Variants in STEAP1B observed in about 807,000 individuals in gnomAD.
STEAP1B encodes the protein STEAP family protein MGC87042.
In STEAP1B, 13 loss-of-function variants were observed where a neutral mutation model predicts 27.9. The observed-to-expected ratio is 0.47, with a 90% confidence interval of 0.30 to 0.74. STEAP1B has a LOEUF of 0.74. Among genes scored for constraint, STEAP1B ranks in the 30% least tolerant of loss-of-function variants. STEAP1B has a pLI of 0.06. For missense variants in STEAP1B, 250 were observed against 298.7 expected, an observed-to-expected ratio of 0.84 and a Z score of 1.20; for synonymous variants, 86 against 107.1, an observed-to-expected ratio of 0.80 and a Z score of 1.22.
intron 4 of STEAP1B, among the ~76,000 whole-genome samples, chr7:22,457,826 CATG>C (rs890760200): frequency 6.6e-6 from 1 of 152,208 alleles, no homozygotes; most frequent in Non-Finnish European, 1.5e-5. Flanking sequence ...CACCTGCCCA[CATG>C]ATGACATGGT....
At chr7:22,427,845 G>C (rs192636000) in intron 4 of STEAP1B, among the ~76,000 whole-genome samples, 1 of 152,344 alleles carries the variant, frequency 6.6e-6, no homozygotes, top group Admixed American at 6.5e-5. Context: ...AATGAGGAAA[G>C]GTACGAGTAG....
chr7:22,457,137 A>T (rs75378332), intron 4 of STEAP1B, among the ~76,000 whole-genome samples: 3,700 of 151,292 alleles, frequency 0.024, 67 homozygotes, highest in Non-Finnish European at 0.038. Context: ...AATCCAGAGG[A>T]TCCACCAATT....
At chr7:22,496,844 C>T (rs12534342) in intron 1 of STEAP1B, among the ~76,000 whole-genome samples, 13,105 of 152,240 alleles carry the variant, frequency 0.086, 647 homozygotes, top group African/African-American at 0.097. Context: ...AAACATTCTC[C>T]AAGTTTTAAA....
At chr7:22,424,895 G>GA (rs34020475) in intron 4 of STEAP1B, among the ~76,000 whole-genome samples, 100,721 of 146,590 alleles carry the variant, frequency 0.69, 34,867 homozygotes, top group Middle Eastern at 0.74. Context: ...ATTGTTAAGT[G>GA]AAAAAAAAAA....
At chr7:22,459,941 G>A (rs1170042652) in intron 4 of STEAP1B, among the ~76,000 whole-genome samples, 3 of 152,062 alleles carry the variant, frequency 2.0e-5, no homozygotes, top group African/African-American at 2.4e-5. Flanking sequence ...GCGTAATTTG[G>A]TTCAGGTTGG....
intron 4 of STEAP1B, among the ~76,000 whole-genome samples, chr7:22,455,802 G>T (rs1785568719): frequency 2.0e-5 from 3 of 152,136 alleles, no homozygotes; most frequent in African/African-American, 7.2e-5. Flanking sequence ...TAATCTTTTG[G>T]AATTCATCTG....
intron 4 of STEAP1B, among the ~76,000 whole-genome samples, chr7:22,424,371 C>A (rs955983322): frequency 2.6e-5 from 4 of 152,136 alleles, no homozygotes; most frequent in Non-Finnish European, 4.4e-5. Flanking sequence ...ACTAGCTCAC[C>A]ACCCCTTTGA....
At chr7:22,428,087 G>A (rs1583627318) in intron 4 of STEAP1B, among the ~76,000 whole-genome samples, 1 of 152,148 alleles carries the variant, frequency 6.6e-6, no homozygotes, top group East Asian at 1.9e-4. Context: ...TTAAACTCAT[G>A]CACTGGCCAG....
At chr7:22,492,349 G>GAAAAAAAAAAAAAAAAAAA (rs1371957621) in intron 4 of STEAP1B, 21 of 185,130 alleles carry the variant, frequency 1.1e-4, no homozygotes, top group African/African-American at 5.8e-4. Flanking sequence ...AAAAAAAAAG[G>GAAAAAAAAAAAAAAAAAAA]ATATTTTAAT....
intron 4 of STEAP1B, among the ~76,000 whole-genome samples, chr7:22,425,269 T>C (rs1329812855): frequency 6.6e-6 from 1 of 152,226 alleles, no homozygotes; most frequent in Non-Finnish European, 1.5e-5. Flanking sequence ...ATATACTTTT[T>C]AAAACAACTA....
At chr7:22,423,918 A>T (rs1486261750) in intron 4 of STEAP1B, among the ~76,000 whole-genome samples, 1 of 152,192 alleles carries the variant, frequency 6.6e-6, no homozygotes, top group Non-Finnish European at 1.5e-5. Flanking sequence ...AGTTCCAGCT[A>T]AATAGGAGAC....
intron 4 of STEAP1B, among the ~76,000 whole-genome samples, chr7:22,426,824 G>A (rs3114708): frequency 0.46 from 69,683 of 152,040 alleles, 16,036 homozygotes; most frequent in Middle Eastern, 0.58. Context: ...AAAAGGATAC[G>A]TCAGGCAATG....
rs565018339 is a variant in STEAP1B, at chr7:22,471,236, CG to C, written c.762+21328del. On this transcript the variant is annotated intron_variant, in intron 4 of 4. Coordinates refer to ENST00000678116, the MANE Select transcript of STEAP1B (RefSeq NM_001382447.1). ...GAAAACGAGCTCCCTAGAGGTGCCA[CG>C]TGCTGTTAAAATATCTAAAACACTT... 2.5e-4 allele frequency among the ~76,000 whole-genome samples: 38 copies of C among 152,246 alleles called. No homozygotes were observed. The East Asian group carries it at 7.3e-3, about 29-fold the overall frequency.
chr7:22,451,080 C>A (rs1236144245), intron 4 of STEAP1B, among the ~76,000 whole-genome samples: 1 of 151,822 alleles, frequency 6.6e-6, no homozygotes, highest in African/African-American at 2.4e-5. Context: ...ACCTGTAATC[C>A]CAGCTACTCA....
At chr7:22,429,050 GTAACAGAAAACC>G in intron 4 of STEAP1B, among the ~76,000 whole-genome samples, 1 of 152,164 alleles carries the variant, frequency 6.6e-6, no homozygotes. Context: ...AGACTGCGGT[GTAACAGAAAACC>G]TTATACACTG....
chr7:22,461,628 G>A (rs1263225876), intron 4 of STEAP1B, among the ~76,000 whole-genome samples: 3 of 152,150 alleles, frequency 2.0e-5, no homozygotes, highest in Non-Finnish European at 4.4e-5. Context: ...AGCAGTTACA[G>A]GTCATTTTTC....
At position 22,438,510 on chromosome 7, in the gene STEAP1B, CAAT is replaced by C. The variant is rs754298853; in HGVS notation, c.763-18677_763-18675del. The C allele has an allele frequency of 2.2e-4, 334 of 1,550,624 alleles. 1 individual carries two copies. The highest frequency in any genetic ancestry group is 2.8e-4 in the Non-Finnish European group (319 of 1,146,942). ...ATGCTTAAATCTGAAAGATGATCAG[CAAT>C]AACTTGTCTTTTTTATTGAGATTTT... On this transcript the variant is annotated intron_variant, in intron 4 of 4. Coordinates refer to ENST00000678116, the MANE Select transcript of STEAP1B (RefSeq NM_001382447.1).
chr7:22,473,772 G>C (rs1785926540), intron 4 of STEAP1B, among the ~76,000 whole-genome samples: 1 of 152,310 alleles, frequency 6.6e-6, no homozygotes, highest in East Asian at 1.9e-4. Context: ...CTCCAGGCTA[G>C]AGGTTCCACA....
At chr7:22,462,787 G>C (rs1446036102) in intron 4 of STEAP1B, among the ~76,000 whole-genome samples, 2 of 151,454 alleles carry the variant, frequency 1.3e-5, no homozygotes, top group Non-Finnish European at 2.9e-5. Context: ...TCTAGTTCTA[G>C]ATCCCTGAGG....
Sources: gnomAD v4.1 joint callset for allele counts (sites outside exome capture counted in the v4.1 genomes callset) on GRCh38, gnomAD v4.1.1 for gene constraint, MANE v1.5 for transcripts, NCBI Gene and HGNC (gene_info 2026-07-23, HGNC 2026-07-21) for gene names.